The following CDH23 variants were observed in gnomAD, a reference collection of about 807,000 sequenced individuals.
The protein encoded by CDH23 is cadherin related 23, also known as cadherin-23.
CDH23 carries 189 observed loss-of-function variants against 317.1 expected under a neutral mutation model. That is an observed-to-expected ratio of 0.60 (90% CI 0.53 to 0.67). CDH23 has a LOEUF of 0.67. Ranked by LOEUF, CDH23 falls within the 30% of genes least tolerant of loss-of-function variation. The pLI is 0.00. For synonymous variants in CDH23, 1,839 were observed against 1,876.8 expected (o/e 0.98, Z 0.52); for missense variants, 4,401 against 4,592.4 (o/e 0.96, Z 1.20).
At chr10:71,553,418 A>G (rs1856707567) in intron 6 of CDH23, among the ~76,000 whole-genome samples, 2 of 151,956 alleles carry the variant, frequency 1.3e-5, no homozygotes, top group Non-Finnish European at 2.9e-5. Context: ...TCCACTTATC[A>G]CATCACACCG....
intron 30 of CDH23, among the ~76,000 whole-genome samples, chr10:71,727,831 G>C (rs1866885270): frequency 6.6e-6 from 1 of 152,220 alleles, no homozygotes; most frequent in Admixed American, 6.5e-5. Flanking sequence ...AGGAAGCCCA[G>C]TTGCTCCCAC....
At chr10:71,555,948 G>C (rs1589201314) in intron 6 of CDH23, among the ~76,000 whole-genome samples, 1 of 152,204 alleles carries the variant, frequency 6.6e-6, no homozygotes, top group East Asian at 1.9e-4. Flanking sequence ...GGAGCCAACA[G>C]CCTCTTCTAA....
At chr10:71,448,223 G>A (rs1335456014) in intron 3 of CDH23, among the ~76,000 whole-genome samples, 1 of 152,246 alleles carries the variant, frequency 6.6e-6, no homozygotes, top group Non-Finnish European at 1.5e-5. Flanking sequence ...TGCATGGCCT[G>A]TGCTGATGGT....
intron 38 of CDH23, chr10:71,749,142 G>A: frequency 6.6e-6 from 1 of 152,300 alleles, no homozygotes; most frequent in Non-Finnish European, 1.5e-5. Flanking sequence ...CTGGGGCCAG[G>A]CCAGCCTCCC....
At chr10:71,801,489 C>T (rs935780082) in intron 53 of CDH23, among the ~76,000 whole-genome samples, 1 of 151,984 alleles carries the variant, frequency 6.6e-6, no homozygotes, top group African/African-American at 2.4e-5. Flanking sequence ...ATGAGGGCTC[C>T]AAGTCATAAC....
At chr10:71,732,460 CTT>C in intron 32 of CDH23, 85 bp downstream of exon 32, 2 of 1,522,330 alleles carry the variant, frequency 1.3e-6, no homozygotes, top group South Asian at 2.4e-5. Context: ...GCACTCTCCT[CTT>C]TGTCATAAAA....
In CDH23 at chr10:71,730,532, C is replaced by T. The variant is rs758254641; in HGVS notation, c.3643C>T (p.Arg1215Cys). 1.9e-5 allele frequency: 31 copies of T among 1,613,846 alleles called. No homozygotes were observed. Among genetic ancestry groups the T allele is most frequent in the South Asian group, 1.3e-4 (12 of 91,076 alleles). Reference sequence around the variant, plus strand: ...CGTGTTCACACAGCAGCAGTACAGCCGTCTGGGGCTTCGAGAGACCGCAGG... The same window carrying T: ...CGTGTTCACACAGCAGCAGTACAGCTGTCTGGGGCTTCGAGAGACCGCAGG... ...APVFTQQQYS[R>C]LGLRETAGIG... Residue 1215 changes from arginine to cysteine, a missense_variant, in exon 31 of 70, where the codon CGT becomes TGT. By Grantham distance (180) the Arg-to-Cys change is radical. This residue lies in a region of CDH23 where 3,068 missense variants were observed against 3,203.3 expected (regional missense o/e 0.96). Coordinates refer to ENST00000224721, the MANE Select transcript of CDH23 (RefSeq NM_022124.6).
At chr10:71,814,069 T>C (rs995694497) in intron 69 of CDH23, among the ~76,000 whole-genome samples, 27 of 152,212 alleles carry the variant, frequency 1.8e-4, no homozygotes, top group Admixed American at 2.0e-4. Flanking sequence ...AATAGCCTCA[T>C]ACAGGAGGAC....
chr10:71,475,439 G>A (rs1851741082), intron 3 of CDH23, among the ~76,000 whole-genome samples: 1 of 152,218 alleles, frequency 6.6e-6, no homozygotes, highest in South Asian at 2.1e-4. Context: ...CGAGAGGGGA[G>A]GGTCTAGGAG....
rs74145675 is a variant in CDH23, at chr10:71,799,688, G to C, written c.7362+59G>C. On this transcript the variant is annotated intron_variant, in intron 52 of 69. Coordinates refer to ENST00000224721, the MANE Select transcript of CDH23 (RefSeq NM_022124.6). ...TGGGAAGGACCCAGGGTCAGAGACT[G>C]AGCAGCCACCAAAAGTATTGTAGTA... 25,921 of 1,609,998 alleles carry C rather than the reference G, an allele frequency of 0.016. 1,198 individuals carry two copies. The highest frequency in any genetic ancestry group is 0.16 in the African/African-American group (11,649 of 74,970).
At chr10:71,425,232 G>GGAGAGAGAGAGAGAGAGAGAGAGA (rs748338206) in intron 1 of CDH23, among the ~76,000 whole-genome samples, 8 of 73,964 alleles carry the variant, frequency 1.1e-4, no homozygotes, top group Admixed American at 3.1e-4. Context: ...AGAGAGAGAG[G>GGAGAGAGAGAGAGAGAGAGAGAGA]GAGAGAGAGA....
In CDH23 at chr10:71,617,229, A is replaced by C; in HGVS notation, c.970A>C (p.Thr324Pro). ...GGGCACGGAGCTGAACGATGACCGCACCCCATCTGACGCTACAGTCACCAC... is the reference window on the plus strand; with the variant it reads ...GGGCACGGAGCTGAACGATGACCGCCCCCCATCTGACGCTACAGTCACCAC... Reference protein sequence around the residue: ...VKGTELNDDRTPSDATVTTTF... With the variant: ...VKGTELNDDRPPSDATVTTTF... The change falls in exon 11 of 70, where the codon ACC becomes CCC. Residue 324 changes from threonine to proline, a missense_variant. Coordinates refer to ENST00000224721, the MANE Select transcript of CDH23 (RefSeq NM_022124.6). 6.2e-7 allele frequency: 1 copy of C among 1,613,828 alleles called. No individual in the cohort carries two copies. Among genetic ancestry groups the C allele is most frequent in the Non-Finnish European group, 8.5e-7 (1 of 1,179,816 alleles).
chr10:71,423,079 C>T (rs1283363485), intron 1 of CDH23, among the ~76,000 whole-genome samples: 2 of 152,206 alleles, frequency 1.3e-5, no homozygotes, highest in Admixed American at 6.5e-5. Flanking sequence ...TATGTTATGA[C>T]GGCCCTTGTG....
At position 71,734,303 on chromosome 10, in the gene CDH23, G is replaced by A. The variant is rs1479101382; in HGVS notation, c.4168G>A (p.Val1390Met). The A allele has an allele frequency of 6.2e-7, 1 of 1,612,426 alleles. No individual in the cohort carries two copies. The highest frequency in any genetic ancestry group is 8.5e-7 in the Non-Finnish European group (1 of 1,179,258). The change falls in exon 33 of 70, where the codon GTG becomes ATG. Residue 1390 changes from valine (V) to methionine (M), a missense_variant. Val to Met is a conservative substitution (Grantham distance 21, BLOSUM62 1). Transcript: ENST00000224721. ...EKGDFYTLTV[V>M]ADDGGPKVDS... is the part of the protein sequence containing the mutation. ...GGGCGACTTCTATACCTTGACAGTG[G>A]TGGCAGATGACGGCGGCCCCAAGGT...
Position 71,468,203 on chromosome 10 carries a change from C to G in CDH23, c.145+21808C>G, listed in dbSNP as rs1851344433. ...AGCCCTGGAGCTGCCAAACTTGAGA[C>G]TTGATGGCAGGAAAGAGTATGAAAA... On this transcript the variant is annotated intron_variant, in intron 3 of 69. Coordinates refer to ENST00000224721, the MANE Select transcript of CDH23 (RefSeq NM_022124.6). Among the ~76,000 whole-genome samples, 3 of 152,204 alleles carry G rather than the reference C, an allele frequency of 2.0e-5. No homozygotes were observed. In the South Asian group the frequency reaches 6.2e-4, roughly 31 times the overall value.
rs1294935936 is a variant in CDH23, at chr10:71,456,449, C to T, written c.145+10054C>T. On this transcript the variant is annotated intron_variant, in intron 3 of 69. Coordinates refer to ENST00000224721, the MANE Select transcript of CDH23 (RefSeq NM_022124.6). Reference sequence around the variant, plus strand: ...TTCTTGGGGGTCCTTTGGGCTGTAGCCACTCCCAAGCGGTCCCTGTCTGGG... The same window carrying T: ...TTCTTGGGGGTCCTTTGGGCTGTAGTCACTCCCAAGCGGTCCCTGTCTGGG... 2.8e-5 allele frequency among the ~76,000 whole-genome samples: 4 copies of T among 142,660 alleles called. No homozygotes were observed. In the East Asian group the frequency reaches 7.7e-4, roughly 28 times the overall value. The allele number at this position is 142,660 out of a possible 152,430, so 93.6% of individuals were successfully genotyped here.
At chr10:71,409,195 G>A (rs754527573) in intron 1 of CDH23, among the ~76,000 whole-genome samples, 1 of 152,194 alleles carries the variant, frequency 6.6e-6, no homozygotes, top group Non-Finnish European at 1.5e-5. Flanking sequence ...CCTGTTTGAT[G>A]TAAGGGGCAG....
intron 6 of CDH23, among the ~76,000 whole-genome samples, chr10:71,551,101 C>T (rs540555373): frequency 2.0e-5 from 3 of 152,258 alleles, no homozygotes; most frequent in Non-Finnish European, 2.9e-5. Context: ...GTAATAACAC[C>T]GACAGTAATG....
intron 14 of CDH23, among the ~76,000 whole-genome samples, chr10:71,664,636 G>A (rs1018470292): frequency 5.9e-5 from 9 of 152,212 alleles, no homozygotes; most frequent in Admixed American, 4.6e-4. Context: ...CTTAGAAAGC[G>A]GCGCCTGTGT....
Sources: gnomAD v4.1 joint callset for allele counts (sites outside exome capture counted in the v4.1 genomes callset) on GRCh38, gnomAD v4.1.1 for gene constraint, gnomAD v4.1.1 regional missense constraint, MANE v1.5 for transcripts, NCBI Gene and HGNC (gene_info 2026-07-23, HGNC 2026-07-21) for gene names.